LRP11: variants seen among roughly 807,000 people sequenced by gnomAD.
The protein encoded by LRP11 is low-density lipoprotein receptor-related protein 11.
Under a neutral mutation model 43.1 loss-of-function variants are expected in LRP11, and 25 were observed. That is an observed-to-expected ratio of 0.58 (90% confidence interval 0.42 to 0.81). The LOEUF (loss-of-function observed/expected upper bound fraction) is 0.81. Ranked by LOEUF, LRP11 falls within the 30% of genes least tolerant of loss-of-function variation. LRP11 has a pLI of 0.00. For synonymous variants in LRP11, 316 were observed against 299.4 expected, an observed-to-expected ratio of 1.06 and a Z score of -0.57; for missense variants, 623 against 665.1, an observed-to-expected ratio of 0.94 and a Z score of 0.70.
chr6:149,862,760 A>G (rs1340795808), intron 1 of LRP11, among the ~76,000 whole-genome samples: 1 of 151,714 alleles, frequency 6.6e-6, no homozygotes, highest in African/African-American at 2.4e-5. Context: ...TTGTATTTTT[A>G]GTAGAGATGG....
intron 2 of LRP11, among the ~76,000 whole-genome samples, chr6:149,845,497 T>C (rs1776618442): frequency 1.3e-5 from 2 of 152,212 alleles, no homozygotes; most frequent in Admixed American, 6.5e-5. Flanking sequence ...TTCAAAGAGA[T>C]GTTAAGCAGT....
chr6:149,840,452 T>C (rs1200504254), intron 3 of LRP11, among the ~76,000 whole-genome samples: 3 of 152,118 alleles, frequency 2.0e-5, no homozygotes, highest in African/African-American at 7.2e-5. Context: ...TCAAATACAG[T>C]TTATTATCAT....
At chr6:149,850,706 C>T (rs1466383777) in intron 2 of LRP11, among the ~76,000 whole-genome samples, 1 of 152,144 alleles carries the variant, frequency 6.6e-6, no homozygotes, top group Non-Finnish European at 1.5e-5. Context: ...AAGTCAATTA[C>T]CCCTATATAC....
chr6:149,832,915 T>A (rs1200664840), intron 5 of LRP11, among the ~76,000 whole-genome samples: 2 of 152,110 alleles, frequency 1.3e-5, no homozygotes, highest in African/African-American at 2.4e-5. Flanking sequence ...TTCACGCCAT[T>A]CTCCTGCCTC....
intron 6 of LRP11, 93 bp downstream of exon 6, chr6:149,826,171 A>G (rs945475711): frequency 2.1e-6 from 2 of 959,100 alleles, no homozygotes; most frequent in Non-Finnish European, 3.4e-6. Flanking sequence ...TCCTGTCCTG[A>G]GCTCTCATGG....
Position 149,820,429 on chromosome 6 carries a change from G to T in LRP11, c.*120C>A. On this transcript the variant is annotated 3_prime_UTR_variant, in exon 7 of 7. Coordinates refer to ENST00000239367, the MANE Select transcript of LRP11 (RefSeq NM_032832.6). ...ACAATAAATAATAAAGAAAGATTTG[G>T]GATTTGCAGAATCTTCTGGCCCAAT... 6.1e-6 allele frequency: 3 copies of T among 489,040 alleles called. No homozygotes were observed. The highest frequency in any genetic ancestry group is 4.0e-5 in the South Asian group (1 of 25,000). The allele number at this position is 489,040 out of a possible 1,614,324, so 30.3% of individuals were successfully genotyped here.
intron 5 of LRP11, among the ~76,000 whole-genome samples, chr6:149,829,100 C>A (rs7757036): frequency 1.2e-3 from 176 of 152,248 alleles, no homozygotes; most frequent in African/African-American, 4.1e-3. Context: ...TACCTAAAAA[C>A]CACTTGTGGC....
At chr6:149,842,748 G>A in intron 3 of LRP11, 1 of 1,472,636 alleles carries the variant, frequency 6.8e-7, no homozygotes, top group Non-Finnish European at 9.3e-7. Context: ...AGAAGCGGGA[G>A]CATCTCTTCT....
rs1421506557 is a variant in LRP11 at position 149,819,300 on chromosome 6, C to CACTT, written c.*1245_*1248dup. ...TTTTCAAATATTTTAAAATATTTGC[C>CACTT]ACTTATGGTTAAAAAAAACGTGAAT... is the stretch of plus-strand genomic sequence containing the variant. On this transcript the variant is annotated 3_prime_UTR_variant, in exon 7 of 7. Transcript: ENST00000239367. The CACTT allele has an allele frequency of 6.6e-6, 1 of 151,750 alleles. No homozygotes were observed. Among genetic ancestry groups the CACTT allele is most frequent in the Non-Finnish European group, 1.5e-5 (1 of 67,974 alleles). The allele number at this position is 151,750 out of a possible 1,614,324, so 9.4% of individuals were successfully genotyped here.
At position 149,863,550 on chromosome 6, in the gene LRP11, C is replaced by T. The variant is rs989098347; in HGVS notation, c.471G>A (p.Val157=). Residue 157 remains valine, a synonymous_variant, in exon 1 of 7, where the codon GTG becomes GTA. Transcript: ENST00000239367. ...TGCAGTTGAAGAGGTAGCAGCCGAG[C>T]ACGGCTGCCGGGGGCGCGGGGCGCC... ...LPRRPAPPAA[V]LGCYLFNCTA... is the part of the protein sequence containing the mutation. 5 of 1,371,622 alleles carry T rather than the reference C, an allele frequency of 3.6e-6. No homozygotes were observed. The highest frequency in any genetic ancestry group is 3.4e-5 in the South Asian group (2 of 58,602). 85.0% of individuals were successfully genotyped at this position (1,371,622 alleles called of 1,614,324 possible). A position where few individuals can be genotyped will look rare whatever the true frequency, so the allele number is the denominator to read the frequency against.
chr6:149,843,004 G>C lies in LRP11; in HGVS notation c.892C>G (p.Arg298Gly). Residue 298 changes from arginine (R) to glycine (G), a missense_variant, in exon 3 of 7, where the codon CGC (arginine) becomes GGC (glycine). Transcript: ENST00000239367. ...TCACCTCCTGTGGAGTAGGCTGCGC[G>C]AAGCACTGTCACTGACACGTTGTCA... ...SSDNVSVTVL[R>G]AAYSTGGCLH... 1 of 1,614,198 alleles carries C rather than the reference G, an allele frequency of 6.2e-7. No homozygotes were observed. Among genetic ancestry groups the C allele is most frequent in the Non-Finnish European group, 8.5e-7 (1 of 1,180,038 alleles).
At chr6:149,832,395 G>A (rs1483224901) in intron 5 of LRP11, among the ~76,000 whole-genome samples, 4 of 151,668 alleles carry the variant, frequency 2.6e-5, no homozygotes, top group African/African-American at 9.7e-5. Flanking sequence ...GTTTCACCAT[G>A]TTGGCCAGGC....
In LRP11 at chr6:149,820,452, A is replaced by G. The variant is rs557574584; in HGVS notation, c.*97T>C. 5.4e-6 allele frequency: 3 copies of G among 560,428 alleles called. No individual in the cohort carries two copies. Among genetic ancestry groups the G allele is most frequent in the African/African-American group, 1.9e-5 (1 of 52,198 alleles). 34.7% of individuals were successfully genotyped at this position (560,428 alleles called of 1,614,324 possible). On this transcript the variant is annotated 3_prime_UTR_variant, in exon 7 of 7. Transcript: ENST00000239367. ...TGGGATTTGCAGAATCTTCTGGCCC[A>G]ATTAAAAACAAAAGAAGCTGTAAAT... is the stretch of plus-strand genomic sequence containing the variant.
chr6:149,821,605 T>G (rs1021685351), intron 6 of LRP11, among the ~76,000 whole-genome samples: 10 of 152,140 alleles, frequency 6.6e-5, no homozygotes, highest in African/African-American at 2.4e-4. Flanking sequence ...GACACCAGAG[T>G]AGAAGTAGCG....
At position 149,863,749 on chromosome 6, in the gene LRP11, C is replaced by G. The variant is rs761467433; in HGVS notation, c.272G>C (p.Gly91Ala). The change falls in exon 1 of 7, where the codon GGC becomes GCC. Residue 91 changes from glycine to alanine, a missense_variant. Coordinates refer to ENST00000239367, the MANE Select transcript of LRP11 (RefSeq NM_032832.6). ...TGCGCTGTAGCCGCCGCTGCCCGGG[C>G]CCGGGCAGTCCTCCTGGGGGCCGCC... ...AGGGPQEDCP[G>A]PGSGGYSAMP... The G allele has an allele frequency of 6.8e-7, 1 of 1,478,120 alleles. No homozygotes were observed. The allele number at this position is 1,478,120 out of a possible 1,614,324, so 91.6% of individuals were successfully genotyped here.
intron 3 of LRP11, among the ~76,000 whole-genome samples, chr6:149,842,142 C>T (rs983148347): frequency 6.6e-6 from 1 of 151,224 alleles, no homozygotes; most frequent in African/African-American, 2.4e-5. Flanking sequence ...TACTCCTTAG[C>T]TGCACTCTTT....
intron 3 of LRP11, among the ~76,000 whole-genome samples, chr6:149,839,551 A>G: frequency 6.6e-6 from 1 of 152,230 alleles, no homozygotes; most frequent in African/African-American, 2.4e-5. Context: ...AGATGGATCC[A>G]TATTTGTAAA....
chr6:149,842,508 G>T (rs544488611), intron 3 of LRP11: 2 of 752,224 alleles, frequency 2.7e-6, no homozygotes, highest in Non-Finnish European at 4.6e-6. Flanking sequence ...CTGTTCCTCC[G>T]GTCTCAGTGA....
intron 2 of LRP11, among the ~76,000 whole-genome samples, chr6:149,844,019 C>G (rs1451632490): frequency 6.6e-6 from 1 of 152,122 alleles, no homozygotes; most frequent in African/African-American, 2.4e-5. Context: ...CTTTGGGAGG[C>G]CAAGGCGGGC....
Sources: gnomAD v4.1 joint callset for allele counts (sites outside exome capture counted in the v4.1 genomes callset) on GRCh38, gnomAD v4.1.1 for gene constraint, MANE v1.5 for transcripts, NCBI Gene and HGNC (gene_info 2026-07-23, HGNC 2026-07-21) for gene names.